The following LRP1B variants were observed in gnomAD, a reference collection of about 807,000 sequenced individuals.
LRP1B encodes LDL receptor related protein 1B.
A neutral mutation model predicts 556.6 loss-of-function variants in LRP1B; 217 were observed. That is an observed-to-expected ratio of 0.39 (90% CI 0.35 to 0.44). The LOEUF (loss-of-function observed/expected upper bound fraction) is 0.44, where lower values mean the gene tolerates loss of function less well. LRP1B is among the 20% of genes least tolerant of loss of function. LRP1B has a pLI of 1.00. For synonymous variants in LRP1B, 2,047 were observed against 1,865.8 expected, an observed-to-expected ratio of 1.10 and a Z score of -2.50; for missense variants, 5,053 against 5,620.8, an observed-to-expected ratio of 0.90 and a Z score of 3.23.
chr2:141,598,999 C>G (rs2105305610), intron 2 of LRP1B, among the ~76,000 whole-genome samples: 1 of 141,624 alleles, frequency 7.1e-6, no homozygotes, highest in East Asian at 2.0e-4. Context: ...GAAGCCAAGT[C>G]TATAAAAAAA....
chr2:142,021,628 C>T (rs1703333867), intron 1 of LRP1B, among the ~76,000 whole-genome samples: 1 of 151,992 alleles, frequency 6.6e-6, no homozygotes, highest in Admixed American at 6.6e-5. Flanking sequence ...TTGGTGTTAA[C>T]CCTAATCAGA....
In LRP1B at chr2:141,048,978, T is replaced by C; in HGVS notation, c.1789+8A>G. 1 of 1,591,766 alleles carries C rather than the reference T, an allele frequency of 6.3e-7. No homozygotes were observed. Among genetic ancestry groups the C allele is most frequent in the Non-Finnish European group, 8.6e-7 (1 of 1,159,922 alleles). ...GTAGTTTGATGTTAATGTCACAGTGTCACTTACCATCTTTCAGGATGGTTT... is the reference window on the plus strand; with the variant it reads ...GTAGTTTGATGTTAATGTCACAGTGCCACTTACCATCTTTCAGGATGGTTT... On this transcript the variant is annotated splice_region_variant and intron_variant, in intron 11 of 90. Coordinates refer to ENST00000389484, the MANE Select transcript of LRP1B (RefSeq NM_018557.3).
chr2:140,871,830 CA>C (rs1693138729), intron 25 of LRP1B, among the ~76,000 whole-genome samples: 2 of 151,958 alleles, frequency 1.3e-5, no homozygotes, highest in Non-Finnish European at 1.5e-5. Context: ...GTTCCTATAT[CA>C]AGCCTTTTCT....
intron 2 of LRP1B, among the ~76,000 whole-genome samples, chr2:141,550,252 T>C (rs1198512251): frequency 6.6e-6 from 1 of 152,170 alleles, no homozygotes; most frequent in Non-Finnish European, 1.5e-5. Flanking sequence ...GTTACCTTTA[T>C]AAGAAGAAAA....
At chr2:141,589,885 C>A (rs1019982964) in intron 2 of LRP1B, among the ~76,000 whole-genome samples, 1 of 151,928 alleles carries the variant, frequency 6.6e-6, no homozygotes, top group Admixed American at 6.6e-5. Flanking sequence ...TGGAGAAAGG[C>A]AATAAAGTTA....
At chr2:141,183,020 A>G (rs1466244789) in intron 7 of LRP1B, among the ~76,000 whole-genome samples, 1 of 151,944 alleles carries the variant, frequency 6.6e-6, no homozygotes, top group Admixed American at 6.6e-5. Flanking sequence ...TAAATGTTTT[A>G]TGATGTTCAA....
intron 84 of LRP1B, among the ~76,000 whole-genome samples, chr2:140,278,497 A>T (rs1682782685): frequency 6.6e-6 from 1 of 151,984 alleles, no homozygotes; most frequent in South Asian, 2.1e-4. Flanking sequence ...AAAGGAATTC[A>T]TGGTTCACTT....
At chr2:141,740,924 C>T (rs566151716) in intron 2 of LRP1B, among the ~76,000 whole-genome samples, 3 of 152,236 alleles carry the variant, frequency 2.0e-5, no homozygotes, top group African/African-American at 7.2e-5. Flanking sequence ...ACCCACTACT[C>T]TCTCTAGTTT....
At chr2:141,373,769 T>A (rs1689326841) in intron 3 of LRP1B, among the ~76,000 whole-genome samples, 1 of 152,044 alleles carries the variant, frequency 6.6e-6, no homozygotes, top group Admixed American at 6.5e-5. Flanking sequence ...ACATACAAGG[T>A]TAATATTGAT....
chr2:141,234,252 G>C (rs1683574449), intron 5 of LRP1B, among the ~76,000 whole-genome samples: 1 of 151,980 alleles, frequency 6.6e-6, no homozygotes, highest in Non-Finnish European at 1.5e-5. Context: ...TGGGTTTGCA[G>C]TTAGAAATGA....
intron 20 of LRP1B, among the ~76,000 whole-genome samples, chr2:140,941,054 T>C (rs1005096727): frequency 2.0e-5 from 3 of 152,156 alleles, no homozygotes; most frequent in East Asian, 1.9e-4. Flanking sequence ...ATTTGAAACA[T>C]AGTGTTTTCT....
At chr2:140,512,233 A>G (rs1159531812) in intron 51 of LRP1B, among the ~76,000 whole-genome samples, 2 of 152,210 alleles carry the variant, frequency 1.3e-5, no homozygotes, top group African/African-American at 4.8e-5. Flanking sequence ...AGATATCTCC[A>G]GCTATAAAAT....
rs1680784755 is a variant in LRP1B at position 141,436,856 on chromosome 2, G to A, written c.343+43540C>T. 2.0e-5 allele frequency among the ~76,000 whole-genome samples: 3 copies of A among 152,088 alleles called. No individual in the cohort carries two copies. In the South Asian group the frequency reaches 6.2e-4, roughly 31 times the overall value. On this transcript the variant is annotated intron_variant, in intron 3 of 90. Coordinates refer to ENST00000389484, the MANE Select transcript of LRP1B (RefSeq NM_018557.3). ...TGAATAATTTACATTAGTAAGTAAA[G>A]CTACACATATAGTTCTTAACAGAAC...
intron 2 of LRP1B, among the ~76,000 whole-genome samples, chr2:141,702,710 T>C (rs1003825663): frequency 6.6e-6 from 1 of 151,870 alleles, no homozygotes; most frequent in East Asian, 1.9e-4. Flanking sequence ...AGATGGATTA[T>C]TGAAAAAAAA....
intron 66 of LRP1B, among the ~76,000 whole-genome samples, chr2:140,418,318 A>G (rs886635760): frequency 1.3e-5 from 2 of 152,322 alleles, no homozygotes; most frequent in East Asian, 1.9e-4. Flanking sequence ...GAGTTTGAAC[A>G]TTACTTCCCA....
intron 14 of LRP1B, among the ~76,000 whole-genome samples, chr2:141,011,463 T>C (rs1433308436): frequency 6.6e-6 from 1 of 152,078 alleles, no homozygotes; most frequent in Non-Finnish European, 1.5e-5. Flanking sequence ...TCAATGTCTC[T>C]TGACTGAGAA....
intron 7 of LRP1B, among the ~76,000 whole-genome samples, chr2:141,153,805 AT>A (rs1701998497): frequency 6.6e-6 from 1 of 151,146 alleles, no homozygotes; most frequent in South Asian, 2.1e-4. Context: ...AACAGAAGAA[AT>A]AAGGATTCCT....
intron 11 of LRP1B, among the ~76,000 whole-genome samples, chr2:141,037,885 TACAC>T (rs765343798): frequency 6.7e-6 from 1 of 148,280 alleles, no homozygotes; most frequent in Non-Finnish European, 1.5e-5. Context: ...CACGTGCATG[TACAC>T]ACACACTCAC....
intron 84 of LRP1B, among the ~76,000 whole-genome samples, chr2:140,296,844 CAG>C (rs963919212): frequency 6.6e-6 from 1 of 151,994 alleles, no homozygotes; most frequent in Non-Finnish European, 1.5e-5. Context: ...AAAAACCTGA[CAG>C]AGGTGGGATC....
Sources: allele counts gnomAD v4.1 joint callset (sites outside exome capture counted in the v4.1 genomes callset), GRCh38; gene constraint gnomAD v4.1.1; transcripts MANE v1.5; gene names NCBI Gene and HGNC (gene_info 2026-07-23, HGNC 2026-07-21).